Variants in GPR149 observed in about 807,000 individuals in gnomAD.
GPR149 encodes G protein-coupled receptor 149, also known as probable G protein-coupled receptor 149.
In GPR149, 50 loss-of-function variants were observed where a neutral mutation model predicts 50.2. The observed-to-expected ratio is 1.00, with a 90% confidence interval of 0.79 to 1.26. The LOEUF (loss-of-function observed/expected upper bound fraction) is 1.26, where lower values mean the gene tolerates loss of function less well. Among genes scored for constraint, GPR149 ranks in the 50% most tolerant of loss-of-function variants. The probability of loss-of-function intolerance (pLI) is 0.00; values close to 1 mark genes in which losing one functional copy is unlikely to be tolerated. For missense variants in GPR149, 983 were observed against 895.4 expected (o/e 1.10, Z -1.25); for synonymous variants, 405 against 358.2 (o/e 1.13, Z -1.48).
intron 3 of GPR149, among the ~76,000 whole-genome samples, chr3:154,357,231 A>G (rs1363637039): frequency 6.6e-6 from 1 of 152,160 alleles, no homozygotes; most frequent in Non-Finnish European, 1.5e-5. Flanking sequence ...TAAAAACCCT[A>G]GAAGAAAACC....
intron 3 of GPR149, among the ~76,000 whole-genome samples, chr3:154,364,968 G>A (rs1576907520): frequency 6.6e-6 from 1 of 152,084 alleles, no homozygotes; most frequent in Non-Finnish European, 1.5e-5. Flanking sequence ...CATTGCCCTG[G>A]TGGGGACTTT....
chr3:154,403,373 C>A (rs1004575143), intron 3 of GPR149, among the ~76,000 whole-genome samples: 1 of 152,158 alleles, frequency 6.6e-6, no homozygotes, highest in African/African-American at 2.4e-5. Context: ...ATGCTTTATG[C>A]TAGGCAGTAG....
intron 3 of GPR149, among the ~76,000 whole-genome samples, chr3:154,389,051 C>A (rs1479156780): frequency 1.3e-5 from 2 of 152,052 alleles, no homozygotes; most frequent in East Asian, 3.9e-4. Flanking sequence ...AGTGGTTGAA[C>A]CCCAGGGCAT....
chr3:154,378,389 G>A (rs775354731), intron 3 of GPR149, among the ~76,000 whole-genome samples: 9 of 152,102 alleles, frequency 5.9e-5, no homozygotes, highest in Middle Eastern at 3.4e-3. Flanking sequence ...CCACCACACC[G>A]GAACTATATA....
At chr3:154,387,866 T>C (rs1169930740) in intron 3 of GPR149, among the ~76,000 whole-genome samples, 1 of 152,110 alleles carries the variant, frequency 6.6e-6, no homozygotes, top group Non-Finnish European at 1.5e-5. Context: ...TTTCTATTAT[T>C]AAACAATACA....
At chr3:154,345,697 C>T (rs1168089056) in intron 3 of GPR149, among the ~76,000 whole-genome samples, 1 of 152,154 alleles carries the variant, frequency 6.6e-6, no homozygotes, top group African/African-American at 2.4e-5. Context: ...CACTACGAGC[C>T]TCCAGGTGAA....
intron 3 of GPR149, 24 bp from the exon 4 acceptor site, chr3:154,338,295 A>G: frequency 1.3e-6 from 2 of 1,495,056 alleles, no homozygotes; most frequent in Non-Finnish European, 1.8e-6. Context: ...CAAAATTGTT[A>G]TTGTTGAAAG....
intron 3 of GPR149, among the ~76,000 whole-genome samples, chr3:154,363,255 G>C (rs1009913993): frequency 2.6e-5 from 4 of 151,988 alleles, no homozygotes; most frequent in Admixed American, 1.3e-4. Context: ...ATTTATTCCG[G>C]GCTGTGATGT....
chr3:154,346,588 T>C, intron 3 of GPR149, among the ~76,000 whole-genome samples: 1 of 151,818 alleles, frequency 6.6e-6, no homozygotes, highest in South Asian at 2.1e-4. Flanking sequence ...ATTAAGGTTT[T>C]TCTTTTCTTT....
rs1713629998 is a variant in GPR149, at chr3:154,335,361, C to G, written c.*2338G>C. The stretch of plus-strand genomic sequence containing the variant: ...CTTAAGTAAACTTATGTAGTTTAAC[C>G]TTCTCCTCCCTTAACAAGGATTTGG... On this transcript the variant is annotated 3_prime_UTR_variant, in exon 4 of 4. Coordinates refer to ENST00000389740, the MANE Select transcript of GPR149 (RefSeq NM_001038705.3). 1 of 152,050 alleles carries G rather than the reference C, an allele frequency of 6.6e-6. No homozygotes were observed. Among genetic ancestry groups the G allele is most frequent in the Non-Finnish European group, 1.5e-5 (1 of 67,978 alleles). 9.4% of individuals were successfully genotyped at this position (152,050 alleles called of 1,614,324 possible). A position where few individuals can be genotyped will look rare whatever the true frequency, so the allele number is the denominator to read the frequency against.
In GPR149 at chr3:154,335,360, C is replaced by T. The variant is rs1713629881; in HGVS notation, c.*2339G>A. 1 of 152,058 alleles carries T rather than the reference C, an allele frequency of 6.6e-6. No individual in the cohort carries two copies. Among genetic ancestry groups the T allele is most frequent in the Non-Finnish European group, 1.5e-5 (1 of 67,978 alleles). 9.4% of individuals were successfully genotyped at this position (152,058 alleles called of 1,614,324 possible). The stretch of plus-strand genomic sequence containing the variant: ...ACTTAAGTAAACTTATGTAGTTTAA[C>T]CTTCTCCTCCCTTAACAAGGATTTG... On this transcript the variant is annotated 3_prime_UTR_variant, in exon 4 of 4. Coordinates refer to ENST00000389740, the MANE Select transcript of GPR149 (RefSeq NM_001038705.3).
chr3:154,374,098 A>T (rs567469605), intron 3 of GPR149, among the ~76,000 whole-genome samples: 1 of 151,980 alleles, frequency 6.6e-6, no homozygotes, highest in East Asian at 1.9e-4. Flanking sequence ...CGAGAGCTCA[A>T]TCATATATCT....
Position 154,340,796 on chromosome 3 carries a change from A to C in GPR149, c.1624-2525T>G, listed in dbSNP as rs545470989. Among the ~76,000 whole-genome samples, 6 of 152,304 alleles carry C rather than the reference A, an allele frequency of 3.9e-5. No homozygotes were observed. In the South Asian group the frequency reaches 1.2e-3, roughly 32 times the overall value. Reference sequence around the variant, plus strand: ...GAGCGCAATGGCGCCGTCTCGGCTCACTGCAACCTCCACCTCCTGGGTTCA... The same window carrying C: ...GAGCGCAATGGCGCCGTCTCGGCTCCCTGCAACCTCCACCTCCTGGGTTCA... On this transcript the variant is annotated intron_variant, in intron 3 of 3. Coordinates refer to ENST00000389740, the MANE Select transcript of GPR149 (RefSeq NM_001038705.3).
chr3:154,396,447 G>A (rs189860556), intron 3 of GPR149, among the ~76,000 whole-genome samples: 4 of 152,112 alleles, frequency 2.6e-5, no homozygotes, highest in Admixed American at 2.0e-4. Context: ...AGATGACTTC[G>A]TTACTCTTCT....
At chr3:154,392,699 A>C (rs568449296) in intron 3 of GPR149, among the ~76,000 whole-genome samples, 1 of 152,006 alleles carries the variant, frequency 6.6e-6, no homozygotes, top group African/African-American at 2.4e-5. Flanking sequence ...ATTAAAAAAA[A>C]AGAGGGAAGG....
intron 3 of GPR149, among the ~76,000 whole-genome samples, chr3:154,394,736 C>T (rs1440138867): frequency 6.6e-6 from 1 of 151,956 alleles, no homozygotes; most frequent in Non-Finnish European, 1.5e-5. Context: ...CAATTAATAA[C>T]CAACTTTTAA....
chr3:154,388,745 G>A (rs567344508), intron 3 of GPR149, among the ~76,000 whole-genome samples: 20 of 152,174 alleles, frequency 1.3e-4, no homozygotes, highest in African/African-American at 4.8e-4. Context: ...GTATGTGCTG[G>A]AGGTTGACCA....
At chr3:154,415,131 G>A (rs1039926530) in intron 3 of GPR149, among the ~76,000 whole-genome samples, 2 of 139,042 alleles carry the variant, frequency 1.4e-5, no homozygotes, top group African/African-American at 5.3e-5. Flanking sequence ...AGTCACTTGA[G>A]TTCAAGTAGA....
At chr3:154,371,006 A>G (rs2108400906) in intron 3 of GPR149, among the ~76,000 whole-genome samples, 1 of 152,304 alleles carries the variant, frequency 6.6e-6, no homozygotes, top group South Asian at 2.1e-4. Flanking sequence ...ACTTTGAGGT[A>G]TGGGCCTTAA....
Sources: allele counts gnomAD v4.1 joint callset (sites outside exome capture counted in the v4.1 genomes callset), GRCh38; gene constraint gnomAD v4.1.1; transcripts MANE v1.5; gene names NCBI Gene and HGNC (gene_info 2026-07-23, HGNC 2026-07-21).